The following PRKAA2 variants were observed in gnomAD, a reference collection of about 807,000 sequenced individuals.
PRKAA2 encodes protein kinase AMP-activated catalytic subunit alpha 2, also known as 5'-AMP-activated protein kinase catalytic subunit alpha-2.
PRKAA2 carries 40 observed loss-of-function variants against 56.3 expected under a neutral mutation model. The observed-to-expected ratio is 0.71, with a 90% CI of 0.55 to 0.92. The LOEUF is 0.92. PRKAA2 is among the 40% of genes least tolerant of loss of function. The pLI, the probability that PRKAA2 is intolerant of heterozygous loss-of-function variation, is 0.00. For synonymous variants in PRKAA2, 214 were observed against 234.2 expected (o/e 0.91, Z 0.79); for missense variants, 542 against 686.9 (o/e 0.79, Z 2.36).
chr1:56,706,981 C>G (rs1401696705), intron 8 of PRKAA2, among the ~76,000 whole-genome samples: 1 of 152,046 alleles, frequency 6.6e-6, no homozygotes, highest in Admixed American at 6.5e-5. Flanking sequence ...AACGCAGATC[C>G]CTGGGAACCA....
chr1:56,672,515 G>T (rs1022760297), intron 1 of PRKAA2, among the ~76,000 whole-genome samples: 2 of 152,128 alleles, frequency 1.3e-5, no homozygotes, highest in Non-Finnish European at 2.9e-5. Context: ...TGGCATATGG[G>T]TGATAATTAA....
At chr1:56,701,523 A>G (rs1291987446) in intron 6 of PRKAA2, among the ~76,000 whole-genome samples, 2 of 152,140 alleles carry the variant, frequency 1.3e-5, no homozygotes, top group African/African-American at 2.4e-5. Flanking sequence ...TACTTTGTCT[A>G]TTTATCATAT....
At chr1:56,668,117 GA>G (rs1644048306) in intron 1 of PRKAA2, among the ~76,000 whole-genome samples, 1 of 151,968 alleles carries the variant, frequency 6.6e-6, no homozygotes, top group Non-Finnish European at 1.5e-5. Context: ...CCAAAGAGAA[GA>G]AAAACTTTTC....
chr1:56,657,365 C>T (rs1489650046), intron 1 of PRKAA2, among the ~76,000 whole-genome samples: 6 of 152,038 alleles, frequency 3.9e-5, no homozygotes, highest in Non-Finnish European at 8.8e-5. Context: ...AATTTTATGC[C>T]CAGCAAAAAT....
chr1:56,700,079 C>T (rs887879808), intron 6 of PRKAA2, among the ~76,000 whole-genome samples: 11 of 152,220 alleles, frequency 7.2e-5, no homozygotes, highest in African/African-American at 2.2e-4. Flanking sequence ...TATGGCTATG[C>T]TTTCATTTCT....
chr1:56,677,732 C>T (rs1644123599), intron 2 of PRKAA2, among the ~76,000 whole-genome samples: 1 of 151,304 alleles, frequency 6.6e-6, no homozygotes, highest in African/African-American at 2.4e-5. Context: ...TCTTGGCTCA[C>T]TGCAACCTTC....
chr1:56,650,262 C>T (rs949232589), intron 1 of PRKAA2, among the ~76,000 whole-genome samples: 2 of 152,004 alleles, frequency 1.3e-5, no homozygotes, highest in Non-Finnish European at 2.9e-5. Flanking sequence ...TTAATAAAGC[C>T]TTATTTAAAA....
At chr1:56,700,986 T>C (rs907713908) in intron 6 of PRKAA2, among the ~76,000 whole-genome samples, 7 of 152,308 alleles carry the variant, frequency 4.6e-5, no homozygotes, top group African/African-American at 1.7e-4. Context: ...CAGCCATTTT[T>C]CTTGAATAAA....
At chr1:56,669,536 A>T (rs1430231242) in intron 1 of PRKAA2, among the ~76,000 whole-genome samples, 1 of 151,738 alleles carries the variant, frequency 6.6e-6, no homozygotes, top group Non-Finnish European at 1.5e-5. Flanking sequence ...ATGGTCACTC[A>T]CCTACTAGTT....
intron 6 of PRKAA2, among the ~76,000 whole-genome samples, chr1:56,703,051 T>C (rs1430349043): frequency 6.6e-6 from 1 of 152,212 alleles, no homozygotes; most frequent in Non-Finnish European, 1.5e-5. Context: ...CAGGTAATAA[T>C]GCCTAAACAA....
At chr1:56,693,652 T>G (rs950543129) in intron 4 of PRKAA2, 113 bp from the exon 5 acceptor site, 2 of 597,318 alleles carry the variant, frequency 3.3e-6, no homozygotes, top group Non-Finnish European at 5.5e-6. Flanking sequence ...TTTAATAACT[T>G]AAAAAAAAAT....
At chr1:56,699,318 A>G (rs943406514) in intron 6 of PRKAA2, among the ~76,000 whole-genome samples, 5 of 152,180 alleles carry the variant, frequency 3.3e-5, no homozygotes, top group African/African-American at 4.8e-5. Flanking sequence ...TCATATATCA[A>G]TTTCAGGTAT....
At chr1:56,706,573 GTC>G (rs1418191446) in intron 8 of PRKAA2, among the ~76,000 whole-genome samples, 4 of 152,210 alleles carry the variant, frequency 2.6e-5, no homozygotes, top group Non-Finnish European at 5.9e-5. Flanking sequence ...GTATTATAGT[GTC>G]TAAACTTTCT....
intron 1 of PRKAA2, among the ~76,000 whole-genome samples, chr1:56,670,037 G>A (rs1220560139): frequency 2.6e-5 from 4 of 152,068 alleles, no homozygotes; most frequent in Non-Finnish European, 5.9e-5. Flanking sequence ...GTGTATTTTG[G>A]CTAAAATTTA....
At position 56,714,321 on chromosome 1, in the gene PRKAA2, G is replaced by T. The variant is rs1557570646; in HGVS notation, c.*6608G>T. On this transcript the variant is annotated 3_prime_UTR_variant, in exon 9 of 9. Coordinates refer to ENST00000371244, the MANE Select transcript of PRKAA2 (RefSeq NM_006252.4). ...TTAGTTTTTTGATTTACAAAATGTGGATAATAACCTACCTCACAGATGTGT... is the reference window on the plus strand; with the variant it reads ...TTAGTTTTTTGATTTACAAAATGTGTATAATAACCTACCTCACAGATGTGT... The T allele has an allele frequency of 6.6e-6, 1 of 152,242 alleles. No homozygotes were observed. The highest frequency in any genetic ancestry group is 2.1e-4 in the South Asian group (1 of 4,822). The allele number at this position is 152,242 out of a possible 1,614,324, so 9.4% of individuals were successfully genotyped here.
intron 1 of PRKAA2, among the ~76,000 whole-genome samples, chr1:56,653,460 A>G (rs571397378): frequency 2.0e-4 from 30 of 152,246 alleles, no homozygotes; most frequent in Non-Finnish European, 4.0e-4. Context: ...TCTCTGTAGT[A>G]TGTTGAACTT....
chr1:56,649,588 A>G lies in PRKAA2; in HGVS notation c.94+4107A>G, dbSNP rs149558805. Among the ~76,000 whole-genome samples the G allele has an allele frequency of 3.1e-3, 472 of 152,324 alleles. 1 individual carries two copies. The highest frequency in any genetic ancestry group is 8.9e-3 in the African/African-American group (368 of 41,576). On this transcript the variant is annotated intron_variant, in intron 1 of 8. Coordinates refer to ENST00000371244, the MANE Select transcript of PRKAA2 (RefSeq NM_006252.4). Reference sequence around the variant, plus strand: ...TAGATAAATGGTTATAAAAACATGGAAATGGAGAAGTAAGGAACATTTTAT... The same window carrying G: ...TAGATAAATGGTTATAAAAACATGGGAATGGAGAAGTAAGGAACATTTTAT...
intron 1 of PRKAA2, among the ~76,000 whole-genome samples, chr1:56,656,784 T>TTTGGTTATGC (rs1553147029): frequency 6.6e-6 from 1 of 152,158 alleles, no homozygotes; most frequent in Non-Finnish European, 1.5e-5. Context: ...TGAAGATGTT[T>TTTGGTTATGC]TTGGTTATGC....
intron 2 of PRKAA2, among the ~76,000 whole-genome samples, chr1:56,680,520 C>T (rs1177286524): frequency 1.3e-5 from 2 of 152,092 alleles, no homozygotes; most frequent in Non-Finnish European, 2.9e-5. Flanking sequence ...CCTGCCACCC[C>T]ATGACAGGCC....
Sources: allele counts gnomAD v4.1 joint callset (sites outside exome capture counted in the v4.1 genomes callset), GRCh38; gene constraint gnomAD v4.1.1; transcripts MANE v1.5; gene names NCBI Gene and HGNC (gene_info 2026-07-23, HGNC 2026-07-21).